ROBO2: variants seen among roughly 807,000 people sequenced by gnomAD.
ROBO2 encodes the protein roundabout homolog 2.
In ROBO2, 53 loss-of-function variants were observed where a neutral mutation model predicts 160.8. That is an observed-to-expected ratio of 0.33 (90% CI 0.26 to 0.41). The LOEUF (loss-of-function observed/expected upper bound fraction) is 0.41, where lower values mean the gene tolerates loss of function less well. Ranked by LOEUF, ROBO2 falls within the 10% of genes least tolerant of loss-of-function variation. The probability of loss-of-function intolerance (pLI) is 1.00; values close to 1 mark genes in which losing one functional copy is unlikely to be tolerated. For missense variants in ROBO2, 1,577 were observed against 1,722.4 expected (o/e 0.92, Z 1.49); for synonymous variants, 664 against 611.7 (o/e 1.09, Z -1.26).
At chr3:77,393,419 C>T (rs1015073758) in intron 2 of ROBO2, among the ~76,000 whole-genome samples, 1 of 151,918 alleles carries the variant, frequency 6.6e-6, no homozygotes, top group Non-Finnish European at 1.5e-5. Flanking sequence ...TATAAATGGT[C>T]TATCTCATTG....
At chr3:76,404,589 T>A (rs2078023137) in intron 2 of ROBO2, among the ~76,000 whole-genome samples, 1 of 151,434 alleles carries the variant, frequency 6.6e-6, no homozygotes, top group South Asian at 2.1e-4. Flanking sequence ...TTTTTTTTAA[T>A]AGTTGCAAGC....
At chr3:76,537,055 G>A (rs2082545558) in intron 2 of ROBO2, among the ~76,000 whole-genome samples, 1 of 151,972 alleles carries the variant, frequency 6.6e-6, no homozygotes, top group Non-Finnish European at 1.5e-5. Context: ...GGAAGAATTG[G>A]GACTTGATTC....
chr3:77,074,155 A>G (rs1279418764), intron 1 of ROBO2, among the ~76,000 whole-genome samples: 2 of 152,198 alleles, frequency 1.3e-5, no homozygotes, highest in African/African-American at 4.8e-5. Context: ...GAAAATTTAC[A>G]TTTAGATTTA....
chr3:76,963,518 A>G (rs1211345147), intron 2 of ROBO2, among the ~76,000 whole-genome samples: 3 of 152,208 alleles, frequency 2.0e-5, no homozygotes, highest in Admixed American at 1.3e-4. Context: ...CTTCTTCTCT[A>G]GAACTGTTTC....
intron 2 of ROBO2, among the ~76,000 whole-genome samples, chr3:75,957,290 G>T (rs1483994853): frequency 1.3e-5 from 2 of 149,792 alleles, no homozygotes; most frequent in Non-Finnish European, 3.0e-5. Flanking sequence ...GTTTTCATTT[G>T]GTTTCTTTGT....
chr3:77,131,660 A>G (rs928933459), intron 2 of ROBO2, among the ~76,000 whole-genome samples: 1 of 152,158 alleles, frequency 6.6e-6, no homozygotes, highest in Admixed American at 6.5e-5. Flanking sequence ...TCAATGAGGG[A>G]AGGAACTATG....
chr3:75,939,353 A>G (rs1185229605), intron 2 of ROBO2, among the ~76,000 whole-genome samples: 8 of 152,136 alleles, frequency 5.3e-5, no homozygotes, highest in Non-Finnish European at 1.0e-4. Flanking sequence ...ATTTGAGAAA[A>G]ATAGGTATCT....
At chr3:77,499,806 G>A (rs1235224951) in intron 5 of ROBO2, among the ~76,000 whole-genome samples, 5 of 151,532 alleles carry the variant, frequency 3.3e-5, no homozygotes, top group African/African-American at 7.3e-5. Flanking sequence ...CCACCACCAC[G>A]CCCAGCTAAT....
At chr3:77,146,422 A>T (rs1341193088) in intron 2 of ROBO2, among the ~76,000 whole-genome samples, 1 of 151,970 alleles carries the variant, frequency 6.6e-6, no homozygotes, top group Admixed American at 6.6e-5. Flanking sequence ...CATGGAAATC[A>T]TTTTTTTCCC....
At chr3:77,417,042 G>T (rs950396989) in intron 2 of ROBO2, among the ~76,000 whole-genome samples, 14 of 152,052 alleles carry the variant, frequency 9.2e-5, no homozygotes, top group Non-Finnish European at 2.1e-4. Context: ...TTGTTTCTTT[G>T]ACATGTTTCC....
intron 2 of ROBO2, among the ~76,000 whole-genome samples, chr3:76,330,933 A>G (rs1022071793): frequency 1.3e-5 from 2 of 152,200 alleles, no homozygotes; most frequent in African/African-American, 2.4e-5. Context: ...CCCATAAGAA[A>G]TGTTCATTGC....
chr3:76,497,277 C>A (rs571280583), intron 2 of ROBO2, among the ~76,000 whole-genome samples: 6 of 152,218 alleles, frequency 3.9e-5, no homozygotes, highest in African/African-American at 1.4e-4. Context: ...CTCACCACAG[C>A]CTCAACCTCT....
intron 2 of ROBO2, among the ~76,000 whole-genome samples, chr3:76,689,344 A>G (rs1428554528): frequency 6.6e-6 from 1 of 152,106 alleles, no homozygotes; most frequent in Non-Finnish European, 1.5e-5. Flanking sequence ...GAAATCACAC[A>G]GTTAAACAGA....
At chr3:76,299,913 G>A (rs1392433653) in intron 2 of ROBO2, among the ~76,000 whole-genome samples, 1 of 152,232 alleles carries the variant, frequency 6.6e-6, no homozygotes, top group Admixed American at 6.5e-5. Flanking sequence ...AAAGGGAAAG[G>A]TTGCAAAACA....
At chr3:76,275,924 G>A (rs772809090) in intron 2 of ROBO2, among the ~76,000 whole-genome samples, 1 of 151,912 alleles carries the variant, frequency 6.6e-6, no homozygotes, top group East Asian at 1.9e-4. Flanking sequence ...GAACTCGGAG[G>A]GGGGGAGCAC....
At chr3:77,404,022 A>C (rs2076050589) in intron 2 of ROBO2, among the ~76,000 whole-genome samples, 1 of 152,160 alleles carries the variant, frequency 6.6e-6, no homozygotes, top group African/African-American at 2.4e-5. Context: ...TTAAAGGTAC[A>C]CAAATACCAT....
At chr3:76,393,254 G>A (rs965033471) in intron 2 of ROBO2, among the ~76,000 whole-genome samples, 5 of 152,122 alleles carry the variant, frequency 3.3e-5, no homozygotes, top group African/African-American at 1.2e-4. Flanking sequence ...AGGTGGTTTT[G>A]AAATTGTGTC....
intron 2 of ROBO2, among the ~76,000 whole-genome samples, chr3:76,208,499 C>T (rs1209799703): frequency 3.3e-5 from 5 of 152,234 alleles, no homozygotes; most frequent in East Asian, 3.9e-4. Flanking sequence ...GAGCAAGCAC[C>T]GTGTCTCTTA....
At chr3:76,640,098 G>A (rs778214295) in intron 2 of ROBO2, among the ~76,000 whole-genome samples, 1 of 152,142 alleles carries the variant, frequency 6.6e-6, no homozygotes, top group Non-Finnish European at 1.5e-5. Flanking sequence ...GACTATATAC[G>A]ATACGATGAG....
Sources: gnomAD v4.1 joint callset for allele counts (sites outside exome capture counted in the v4.1 genomes callset) on GRCh38, gnomAD v4.1.1 for gene constraint, MANE v1.5 for transcripts, NCBI Gene and HGNC (gene_info 2026-07-23, HGNC 2026-07-21) for gene names.